The following NAALADL2 variants were observed in gnomAD, a reference collection of about 807,000 sequenced individuals.
NAALADL2 encodes the protein N-acetylated alpha-linked acidic dipeptidase like 2.
Under a neutral mutation model 87.2 loss-of-function variants are expected in NAALADL2, and 76 were observed. The ratio of observed to expected loss-of-function variants is 0.87; its 90% CI spans 0.72 to 1.05. The LOEUF is 1.05. NAALADL2 is among the 50% of genes least tolerant of loss of function. The probability of loss-of-function intolerance (pLI) is 0.00; values close to 1 mark genes in which losing one functional copy is unlikely to be tolerated. For synonymous variants in NAALADL2, 354 were observed against 331.0 expected, an observed-to-expected ratio of 1.07 and a Z score of -0.75; for missense variants, 1,089 against 945.8, an observed-to-expected ratio of 1.15 and a Z score of -1.99.
chr3:174,901,139 A>G (rs1560342248), intron 1 of NAALADL2, among the ~76,000 whole-genome samples: 1 of 152,192 alleles, frequency 6.6e-6, no homozygotes, highest in East Asian at 1.9e-4. Flanking sequence ...TAAAAGTGTC[A>G]GTTGTGAAAA....
intron 2 of NAALADL2, among the ~76,000 whole-genome samples, chr3:174,570,050 C>T (rs1397448705): frequency 2.0e-5 from 3 of 152,140 alleles, no homozygotes; most frequent in South Asian, 2.1e-4. Flanking sequence ...TGCTTTGCAT[C>T]TGGAAAGCAC....
At chr3:175,802,380 A>AT (rs1385617108) in intron 13 of NAALADL2, among the ~76,000 whole-genome samples, 1 of 151,300 alleles carries the variant, frequency 6.6e-6, no homozygotes, top group Non-Finnish European at 1.5e-5. Context: ...ATTTAGAAAC[A>AT]TTTTTGGTTT....
chr3:175,791,042 C>T (rs1414382641), intron 13 of NAALADL2, among the ~76,000 whole-genome samples: 3 of 152,144 alleles, frequency 2.0e-5, no homozygotes, highest in Non-Finnish European at 4.4e-5. Context: ...ATCTCAGTTC[C>T]ATTGCATCTG....
At position 175,090,826 on chromosome 3, in the gene NAALADL2, C is replaced by A. The variant is rs530087347; in HGVS notation, c.44-5964C>A. The stretch of plus-strand genomic sequence containing the variant: ...AATAATTTCCTTTAGTTTATATATC[C>A]TATTTAATCTATTAGTGAAGCATGA... On this transcript the variant is annotated intron_variant, in intron 1 of 13. Coordinates refer to ENST00000454872, the MANE Select transcript of NAALADL2 (RefSeq NM_207015.3). Among the ~76,000 whole-genome samples the A allele has an allele frequency of 6.0e-5, 9 of 149,688 alleles. No individual in the cohort carries two copies. The South Asian group carries it at 1.9e-3, about 32-fold the overall frequency.
At chr3:174,718,225 T>C (rs932379724) in intron 2 of NAALADL2, among the ~76,000 whole-genome samples, 1 of 152,216 alleles carries the variant, frequency 6.6e-6, no homozygotes, top group African/African-American at 2.4e-5. Flanking sequence ...TGGGGCTTAT[T>C]TATCTTTCCC....
intron 3 of NAALADL2, among the ~76,000 whole-genome samples, chr3:174,823,614 A>G (rs16864852): frequency 0.16 from 23,628 of 152,236 alleles, 2,138 homozygotes; most frequent in African/African-American, 0.24. Flanking sequence ...TGGTACAAGA[A>G]CAATTTCATT....
chr3:175,011,280 CAGAGAG>C (rs139229550), intron 1 of NAALADL2, among the ~76,000 whole-genome samples: 5,511 of 113,360 alleles, frequency 0.049, 140 homozygotes, highest in Middle Eastern at 0.065. Flanking sequence ...GACAGAGAGA[CAGAGAG>C]AGAGAGAGAG....
Position 175,755,357 on chromosome 3 carries a change from G to A in NAALADL2, c.2128G>A (p.Asp710Asn), listed in dbSNP as rs764616491. 1.9e-6 allele frequency: 3 copies of A among 1,612,272 alleles called. No individual in the cohort carries two copies. The South Asian group carries it at 3.3e-5, about 18-fold the overall frequency. Reference protein sequence around the residue: ...RAPIRIRMLNDILQDMEKSFL... With the variant: ...RAPIRIRMLNNILQDMEKSFL... Reference sequence around the variant, plus strand: ...ACCCATCCGCATCCGGATGCTGAATGACATTCTCCAAGACATGGAGAAAAG... The same window carrying A: ...ACCCATCCGCATCCGGATGCTGAATAACATTCTCCAAGACATGGAGAAAAG... The change falls in exon 13 of 14, where the codon GAC becomes AAC. Residue 710 changes from aspartate to asparagine, a missense_variant. Coordinates refer to ENST00000454872, the MANE Select transcript of NAALADL2 (RefSeq NM_207015.3).
intron 11 of NAALADL2, among the ~76,000 whole-genome samples, chr3:175,665,144 A>G (rs1213653204): frequency 1.3e-5 from 2 of 152,214 alleles, no homozygotes; most frequent in South Asian, 4.1e-4. Flanking sequence ...ATCAAAGTTC[A>G]TGATGTAAGC....
chr3:175,400,064 G>T (rs1378667394), intron 5 of NAALADL2, among the ~76,000 whole-genome samples: 1 of 151,852 alleles, frequency 6.6e-6, no homozygotes, highest in Non-Finnish European at 1.5e-5. Context: ...TTGTAGTTTT[G>T]AACAAATGAA....
At chr3:175,447,744 G>T (rs1720926144) in intron 6 of NAALADL2, among the ~76,000 whole-genome samples, 1 of 152,186 alleles carries the variant, frequency 6.6e-6, no homozygotes, top group African/African-American at 2.4e-5. Flanking sequence ...TCTGGGGTAT[G>T]AAGTCTTTTA....
intron 9 of NAALADL2, among the ~76,000 whole-genome samples, chr3:175,495,212 G>A (rs907751274): frequency 7.9e-5 from 12 of 151,166 alleles, no homozygotes; most frequent in African/African-American, 2.9e-4. Context: ...CTTTAATTTT[G>A]CTCCTACCTG....
chr3:175,412,937 C>T (rs1159476625), intron 5 of NAALADL2, among the ~76,000 whole-genome samples: 2 of 34,462 alleles, frequency 5.8e-5, no homozygotes, highest in African/African-American at 1.1e-4. Context: ...ATTTTTGAGA[C>T]GGAGTCTCCC....
chr3:175,409,619 TA>T (rs201793765), intron 5 of NAALADL2, among the ~76,000 whole-genome samples: 1,971 of 152,032 alleles, frequency 0.013, 44 homozygotes, highest in African/African-American at 0.044. Context: ...ACATTTTTTT[TA>T]CCAATCTCCC....
chr3:175,420,141 G>T (rs894910008), intron 5 of NAALADL2, among the ~76,000 whole-genome samples: 1 of 151,938 alleles, frequency 6.6e-6, no homozygotes, highest in African/African-American at 2.4e-5. Flanking sequence ...GCAGTTAGAT[G>T]ATTTCTAAAA....
intron 3 of NAALADL2, among the ~76,000 whole-genome samples, chr3:174,849,064 CT>C (rs1358542313): frequency 2.6e-5 from 4 of 152,100 alleles, no homozygotes; most frequent in Non-Finnish European, 5.9e-5. Context: ...TGGTACATCT[CT>C]GTAGGGCCCT....
chr3:175,291,593 G>A (rs1377133080), intron 4 of NAALADL2, among the ~76,000 whole-genome samples: 1 of 152,068 alleles, frequency 6.6e-6, no homozygotes, highest in Non-Finnish European at 1.5e-5. Flanking sequence ...AAAATAATGT[G>A]TCAACTATGA....
intron 5 of NAALADL2, among the ~76,000 whole-genome samples, chr3:175,354,306 A>G (rs1409185461): frequency 6.6e-6 from 1 of 152,198 alleles, no homozygotes. Flanking sequence ...AGACTAAAGG[A>G]TATTCTGAAA....
At chr3:174,676,796 C>T (rs1219152648) in intron 2 of NAALADL2, among the ~76,000 whole-genome samples, 1 of 151,650 alleles carries the variant, frequency 6.6e-6, no homozygotes, top group African/African-American at 2.4e-5. Flanking sequence ...ATTTGCATTC[C>T]AAACAAAATG....
Sources: gnomAD v4.1 joint callset for allele counts (sites outside exome capture counted in the v4.1 genomes callset) on GRCh38, gnomAD v4.1.1 for gene constraint, MANE v1.5 for transcripts, NCBI Gene and HGNC (gene_info 2026-07-23, HGNC 2026-07-21) for gene names.